The following SCHIP1 variants were observed in gnomAD, a reference collection of about 807,000 sequenced individuals.
The protein encoded by SCHIP1 is schwannomin interacting protein 1, also known as schwannomin-interacting protein 1.
A neutral mutation model predicts 29.7 loss-of-function variants in SCHIP1; 8 were observed. The ratio of observed to expected loss-of-function variants is 0.27; its 90% CI spans 0.16 to 0.49. The LOEUF is 0.49. SCHIP1 is among the 20% of genes least tolerant of loss of function. The pLI is 0.99. For synonymous variants in SCHIP1, 76 were observed against 94.9 expected (o/e 0.80, Z 1.16); for missense variants, 193 against 294.6 (o/e 0.66, Z 2.52).
chr3:159,650,186 TGA>T, the SCHIP1 span, among the ~76,000 whole-genome samples: 1 of 152,070 alleles, frequency 6.6e-6, no homozygotes, highest in African/African-American at 2.4e-5. Flanking sequence ...CCCTGGAGCA[TGA>T]GAGAGATGGA....
chr3:159,303,286 C>T, the SCHIP1 span, among the ~76,000 whole-genome samples: 1 of 151,930 alleles, frequency 6.6e-6, no homozygotes, highest in South Asian at 2.1e-4. Context: ...GGGAAAATCA[C>T]ACAAGCAGTG....
At chr3:159,760,818 C>A in the SCHIP1 span, among the ~76,000 whole-genome samples, 2 of 152,198 alleles carry the variant, frequency 1.3e-5, no homozygotes, top group Non-Finnish European at 2.9e-5. Flanking sequence ...ATGAAACTTT[C>A]TTTCCCTTGC....
the SCHIP1 span, among the ~76,000 whole-genome samples, chr3:159,379,725 G>A: frequency 5.3e-5 from 8 of 152,156 alleles, no homozygotes; most frequent in African/African-American, 1.9e-4. Context: ...TAGTGGCAAT[G>A]TTGATCTCAA....
the SCHIP1 span, among the ~76,000 whole-genome samples, chr3:159,329,705 T>C: frequency 6.6e-6 from 1 of 152,250 alleles, no homozygotes; most frequent in South Asian, 2.1e-4. Flanking sequence ...TCCTTCCATT[T>C]TTAGTTTCCA....
chr3:159,547,939 T>C, the SCHIP1 span, among the ~76,000 whole-genome samples: 4 of 152,234 alleles, frequency 2.6e-5, no homozygotes, highest in Non-Finnish European at 5.9e-5. Context: ...AAAATAATCA[T>C]ATGATTTTCT....
chr3:159,561,359 TAAAATA>T, the SCHIP1 span, among the ~76,000 whole-genome samples: 3 of 152,202 alleles, frequency 2.0e-5, no homozygotes, highest in Non-Finnish European at 4.4e-5. Flanking sequence ...AATCAACAGG[TAAAATA>T]AAAGCTGTCC....
chr3:159,494,180 A>G, the SCHIP1 span, among the ~76,000 whole-genome samples: 2 of 152,108 alleles, frequency 1.3e-5, no homozygotes, highest in Non-Finnish European at 2.9e-5. Context: ...CCCTAATATC[A>G]CAATTAAAAG....
chr3:159,454,280 A>G, the SCHIP1 span, among the ~76,000 whole-genome samples: 549 of 152,244 alleles, frequency 3.6e-3, 3 homozygotes, highest in Non-Finnish European at 6.2e-3. Flanking sequence ...ATACATAGCT[A>G]AGTTTGAGAA....
In SCHIP1 at chr3:159,864,378, G is replaced by A. The variant is rs181054228; in HGVS notation, c.31-1785G>A. Among the ~76,000 whole-genome samples, 534 of 151,340 alleles carry A rather than the reference G, an allele frequency of 3.5e-3. 2 individuals are homozygous for A. Among genetic ancestry groups the A allele is most frequent in the African/African-American group, 0.012 (507 of 41,234 alleles). On this transcript the variant is annotated intron_variant, in intron 1 of 6. Transcript: ENST00000445224. ...TTAAAGCTTGGTTTTGTGCTAGCCC[G>A]GCAAAAAATAAGAACTATGAAAGCA... is the stretch of plus-strand genomic sequence containing the variant.
At chr3:159,668,504 A>T in the SCHIP1 span, among the ~76,000 whole-genome samples, 2 of 152,194 alleles carry the variant, frequency 1.3e-5, no homozygotes, top group African/African-American at 4.8e-5. Flanking sequence ...TAAAAATCTT[A>T]AAAAATAGAA....
chr3:159,501,155 T>C, the SCHIP1 span, among the ~76,000 whole-genome samples: 5 of 152,188 alleles, frequency 3.3e-5, no homozygotes, highest in African/African-American at 1.2e-4. Context: ...CTGAGTTGTT[T>C]ATTTGGTTTT....
chr3:159,683,778 C>G, the SCHIP1 span, among the ~76,000 whole-genome samples: 1 of 152,198 alleles, frequency 6.6e-6, no homozygotes. Flanking sequence ...TCAACCAGAG[C>G]TCCACTTGTG....
chr3:159,738,771 A>G, the SCHIP1 span, among the ~76,000 whole-genome samples: 1 of 152,214 alleles, frequency 6.6e-6, no homozygotes, highest in Non-Finnish European at 1.5e-5. Context: ...AAGCGTGTTC[A>G]GTGAGAGAGA....
chr3:159,726,112 C>T, the SCHIP1 span, among the ~76,000 whole-genome samples: 9 of 152,246 alleles, frequency 5.9e-5, no homozygotes, highest in East Asian at 1.7e-3. Context: ...TAGATTATAA[C>T]ATAAAACTGA....
the SCHIP1 span, among the ~76,000 whole-genome samples, chr3:159,779,762 T>A: frequency 7.6e-6 from 1 of 131,900 alleles, no homozygotes; most frequent in African/African-American, 2.9e-5. Flanking sequence ...TTTTGTTTAA[T>A]TTTTTTTTAA....
chr3:159,522,753 CAGCTGCACGGG>C, the SCHIP1 span, among the ~76,000 whole-genome samples: 1 of 152,214 alleles, frequency 6.6e-6, no homozygotes, highest in South Asian at 2.1e-4. Flanking sequence ...CCTGTAGTCC[CAGCTGCACGGG>C]AAGCTGAGGC....
At chr3:159,688,044 A>G in the SCHIP1 span, among the ~76,000 whole-genome samples, 1 of 152,236 alleles carries the variant, frequency 6.6e-6, no homozygotes, top group Non-Finnish European at 1.5e-5. Flanking sequence ...TATCGTGAAT[A>G]GTGCTGCAGT....
At chr3:159,652,557 G>A in the SCHIP1 span, among the ~76,000 whole-genome samples, 1 of 152,036 alleles carries the variant, frequency 6.6e-6, no homozygotes, top group African/African-American at 2.4e-5. Context: ...GACAAACAAG[G>A]AAGCGGATAT....
At chr3:159,780,389 C>T in the SCHIP1 span, among the ~76,000 whole-genome samples, 5 of 152,252 alleles carry the variant, frequency 3.3e-5, no homozygotes, top group South Asian at 4.2e-4. Flanking sequence ...GCTTGCAAGT[C>T]GGGAACCCTA....
Sources: gnomAD v4.1 joint callset for allele counts (sites outside exome capture counted in the v4.1 genomes callset) on GRCh38, gnomAD v4.1.1 for gene constraint, MANE v1.5 for transcripts, NCBI Gene and HGNC (gene_info 2026-07-23, HGNC 2026-07-21) for gene names.